SHANK2: variants seen among roughly 807,000 people sequenced by gnomAD.
SHANK2 encodes SH3 and multiple ankyrin repeat domains protein 2.
Under a neutral mutation model 133.7 loss-of-function variants are expected in SHANK2, and 43 were observed. That is an observed-to-expected ratio of 0.32 (90% CI 0.25 to 0.41). The LOEUF (loss-of-function observed/expected upper bound fraction) is 0.41. Ranked by LOEUF, SHANK2 falls within the 10% of genes least tolerant of loss-of-function variation. The pLI is 1.00. For missense variants in SHANK2, 1,994 were observed against 2,235.8 expected (o/e 0.89, Z 2.18); for synonymous variants, 1,017 against 952.8 (o/e 1.07, Z -1.24).
At position 70,500,722 on chromosome 11, in the gene SHANK2, G is replaced by A. The variant is rs1264575624; in HGVS notation, c.2288-132C>T. 8.1e-7 allele frequency: 1 copy of A among 1,228,784 alleles called. No individual in the cohort carries two copies. Among genetic ancestry groups the A allele is most frequent in the African/African-American group, 1.5e-5 (1 of 66,786 alleles). The allele number at this position is 1,228,784 out of a possible 1,614,324, so 76.1% of individuals were successfully genotyped here. On this transcript the variant is annotated intron_variant, in intron 20 of 25. Transcript: ENST00000601538. This position sits in a 1 kb window ranked among gnomAD's most constrained non-coding sequence, Gnocchi z 4.5. The stretch of plus-strand genomic sequence containing the variant: ...GGCAATGGGGCGGCAGGCAGGGGCT[G>A]TCTGGAACGCTGCGAACGCAGGCTG...
intron 1 of SHANK2, among the ~76,000 whole-genome samples, chr11:71,225,380 A>G (rs1445095901): frequency 6.6e-6 from 1 of 152,160 alleles, no homozygotes; most frequent in African/African-American, 2.4e-5. Flanking sequence ...GAGCTAGCAC[A>G]TTCATCCCCA....
intron 8 of SHANK2, among the ~76,000 whole-genome samples, chr11:71,082,120 C>A (rs2136006263): frequency 6.6e-6 from 1 of 152,336 alleles, no homozygotes; most frequent in South Asian, 2.1e-4. Context: ...GGGTCACCTG[C>A]CAGCACCACA....
intron 2 of SHANK2, among the ~76,000 whole-genome samples, chr11:71,210,072 G>A (rs1039363879): frequency 2.0e-5 from 3 of 151,108 alleles, no homozygotes; most frequent in African/African-American, 7.3e-5. Context: ...AGAAGCTTTC[G>A]ATCATCTGCA....
chr11:70,789,860 T>C (rs2135170674), intron 14 of SHANK2, among the ~76,000 whole-genome samples: 1 of 152,306 alleles, frequency 6.6e-6, no homozygotes, highest in African/African-American at 2.4e-5. Flanking sequence ...TCTCATCATG[T>C]TCTACATGAA....
At chr11:70,928,515 T>C (rs566821586) in intron 10 of SHANK2, among the ~76,000 whole-genome samples, 2 of 152,240 alleles carry the variant, frequency 1.3e-5, no homozygotes, top group South Asian at 4.1e-4. Flanking sequence ...CTGCTTGCTT[T>C]TATGTGGAAC....
chr11:70,731,023 C>G (rs1555032039), intron 14 of SHANK2, among the ~76,000 whole-genome samples: 2 of 152,104 alleles, frequency 1.3e-5, no homozygotes, highest in African/African-American at 4.8e-5. Flanking sequence ...ATGGACTAAC[C>G]TGTGTGCCCG....
At chr11:71,216,382 C>T (rs940020469) in intron 2 of SHANK2, among the ~76,000 whole-genome samples, 4 of 152,048 alleles carry the variant, frequency 2.6e-5, no homozygotes, top group Non-Finnish European at 5.9e-5. Flanking sequence ...ATGTATTATA[C>T]GATTCCATTT....
intron 11 of SHANK2, among the ~76,000 whole-genome samples, chr11:70,825,754 G>A (rs1948627120): frequency 6.7e-6 from 1 of 150,016 alleles, no homozygotes; most frequent in Admixed American, 6.7e-5. Flanking sequence ...CTCTCTAACT[G>A]GAACCATCCA....
intron 21 of SHANK2, among the ~76,000 whole-genome samples, chr11:70,499,963 G>T (rs2059026796): frequency 6.6e-6 from 1 of 152,222 alleles, no homozygotes; most frequent in Non-Finnish European, 1.5e-5. Context: ...TCCAGCAGCA[G>T]GCGAGCAATA....
intron 2 of SHANK2, among the ~76,000 whole-genome samples, chr11:71,184,643 T>C (rs1266019756): frequency 6.6e-5 from 10 of 152,220 alleles, no homozygotes; most frequent in African/African-American, 1.9e-4. Flanking sequence ...AACTTGGTTA[T>C]GTTTTTACTG....
At chr11:70,568,519 T>C (rs2059996878) in intron 17 of SHANK2, among the ~76,000 whole-genome samples, 1 of 152,146 alleles carries the variant, frequency 6.6e-6, no homozygotes. Context: ...GGGGAACTTA[T>C]TCTTGGTGGA....
Position 70,468,052 on chromosome 11 carries a change from A to G in SHANK2, c.*4817T>C, listed in dbSNP as rs1226012318. ...ACTATTTTATCAGCTACATTAATAC[A>G]TTGAAGATATATTTATCCTTTCATG... On this transcript the variant is annotated 3_prime_UTR_variant, in exon 26 of 26. Transcript: ENST00000601538. The G allele has an allele frequency of 6.6e-6, 1 of 152,618 alleles. No individual in the cohort carries two copies. Among genetic ancestry groups the G allele is most frequent in the Non-Finnish European group, 1.5e-5 (1 of 68,044 alleles). The allele number at this position is 152,618 out of a possible 1,614,324, so 9.5% of individuals were successfully genotyped here. A position where few individuals can be genotyped will look rare whatever the true frequency, so the allele number is the denominator to read the frequency against.
intron 2 of SHANK2, among the ~76,000 whole-genome samples, chr11:71,194,608 G>A (rs1953861299): frequency 6.6e-6 from 1 of 152,196 alleles, no homozygotes; most frequent in African/African-American, 2.4e-5. Flanking sequence ...GTGACATGCG[G>A]GTGTGAAGGG....
intron 15 of SHANK2, among the ~76,000 whole-genome samples, chr11:70,667,008 C>T (rs974174727): frequency 1.3e-5 from 2 of 152,024 alleles, no homozygotes; most frequent in African/African-American, 2.4e-5. Context: ...GGGTGGGCAA[C>T]CAGCCCCACC....
intron 7 of SHANK2, among the ~76,000 whole-genome samples, chr11:71,093,520 C>T (rs1314212626): frequency 3.9e-5 from 6 of 152,026 alleles, no homozygotes; most frequent in African/African-American, 9.7e-5. Context: ...GTGCTGCTTT[C>T]GTGATAGTGA....
rs782419580 is a variant in SHANK2, at chr11:70,492,433, G to A, written c.2341C>T (p.Pro781Ser). 2 of 1,614,026 alleles carry A rather than the reference G, an allele frequency of 1.2e-6. No homozygotes were observed. Among genetic ancestry groups the A allele is most frequent in the Non-Finnish European group, 1.7e-6 (2 of 1,180,048 alleles). The change falls in exon 22 of 26, where the codon CCC (proline) becomes TCC (serine). Residue 781 changes from proline (P) to serine (S), a missense_variant. Pro to Ser is a moderately conservative substitution (Grantham distance 74, BLOSUM62 -1). This residue lies in a region of SHANK2 where 488 missense variants were observed against 642.6 expected (regional missense o/e 0.76). Transcript: ENST00000601538. ...GCCATGTTCTCAGCAGCGCGGGAGG[G>A]CTTGGAGGCCGGGACTATCTCCTCG... ...KPEEIVPASK[P>S]SRAAENMAVE...
intron 4 of SHANK2, among the ~76,000 whole-genome samples, chr11:71,116,439 G>A (rs993714973): frequency 1.3e-5 from 2 of 152,248 alleles, no homozygotes; most frequent in Non-Finnish European, 2.9e-5. Context: ...GAGAGGTAGG[G>A]ACAGGGGTCG....
At chr11:71,131,858 T>C (rs1387030856) in intron 3 of SHANK2, among the ~76,000 whole-genome samples, 1 of 152,190 alleles carries the variant, frequency 6.6e-6, no homozygotes, top group Non-Finnish European at 1.5e-5. Context: ...CTCTTCCTTA[T>C]GTTCTCCGGG....
At chr11:70,499,726 T>C (rs547337949) in intron 21 of SHANK2, among the ~76,000 whole-genome samples, 3 of 152,196 alleles carry the variant, frequency 2.0e-5, no homozygotes, top group Non-Finnish European at 2.9e-5. Context: ...CTGGGAGTTT[T>C]CTGGGCAGCT....
Sources: gnomAD v4.1 joint callset for allele counts (sites outside exome capture counted in the v4.1 genomes callset) on GRCh38, gnomAD v4.1.1 for gene constraint, gnomAD v4.1.1 regional missense constraint, Gnocchi (gnomAD v3.1) non-coding constraint, MANE v1.5 for transcripts, NCBI Gene and HGNC (gene_info 2026-07-23, HGNC 2026-07-21) for gene names.